Variants in DPEP2 observed in about 807,000 individuals in gnomAD.
DPEP2 encodes dipeptidase 2.
DPEP2 carries 45 observed loss-of-function variants against 51.8 expected under a neutral mutation model. That is an observed-to-expected ratio of 0.87 (90% CI 0.68 to 1.11). The LOEUF (loss-of-function observed/expected upper bound fraction) is 1.11. Among genes scored for constraint, DPEP2 ranks in the 50% most tolerant of loss-of-function variants. The probability of loss-of-function intolerance (pLI) is 0.00; values close to 1 mark genes in which losing one functional copy is unlikely to be tolerated. For synonymous variants in DPEP2, 255 were observed against 262.7 expected, an observed-to-expected ratio of 0.97 and a Z score of 0.28; for missense variants, 604 against 631.9, an observed-to-expected ratio of 0.96 and a Z score of 0.47.
Position 67,991,890 on chromosome 16 carries a change from A to T in DPEP2, c.610T>A (p.Tyr204Asn). The change falls in exon 5 of 11, where the codon TAC becomes AAC. Residue 204 changes from tyrosine (Y) to asparagine (N), a missense_variant. Tyr to Asn is a moderately radical substitution (Grantham distance 143). Coordinates refer to ENST00000393847, the MANE Select transcript of DPEP2 (RefSeq NM_022355.4). The surrounding 1 kb of genome is among the most constrained non-coding windows in gnomAD (Gnocchi z 5.1). ...GTCAGGTAGCGCACTCCCAGCATGT[A>T]GAAGGTACGTAAGATGGAGAGGCTA... Reference protein sequence around the residue: ...DNSLSILRTFYMLGVRYLTLT... With the variant: ...DNSLSILRTFNMLGVRYLTLT... 1 of 1,614,174 alleles carries T rather than the reference A, an allele frequency of 6.2e-7. No homozygotes were observed. The highest frequency in any genetic ancestry group is 8.5e-7 in the Non-Finnish European group (1 of 1,180,042).
rs777696064 is a variant in DPEP2, at chr16:67,991,164, C to G, written c.683G>C (p.Gly228Ala). 6.2e-7 allele frequency: 1 copy of G among 1,613,396 alleles called. No individual in the cohort carries two copies. The highest frequency in any genetic ancestry group is 2.2e-5 in the East Asian group (1 of 44,892). Residue 228 changes from glycine (G) to alanine (A), a missense_variant, in exon 6 of 11, where the codon GGC becomes GCC. Coordinates refer to ENST00000393847, the MANE Select transcript of DPEP2 (RefSeq NM_022355.4). This position sits in a 1 kb window ranked among gnomAD's most constrained non-coding sequence, Gnocchi z 5.1. ...GATGTTGTTGTAGAAGGAGTGGACG[C>G]CCTTAGCGGAGCTCTCTGCCCTGCA... ...NTPWAESSAK[G>A]VHSFYNNISG...
At chr16:67,992,434 G>C (rs2032284721) in intron 3 of DPEP2, 76 bp downstream of exon 3, 1 of 1,542,674 alleles carries the variant, frequency 6.5e-7, no homozygotes, top group Admixed American at 2.0e-5. Flanking sequence ...TGACTAACTT[G>C]TGATCTCTGG....
Position 67,993,087 on chromosome 16 carries a change from G to A in DPEP2, c.126C>T (p.Ala42=). 4 of 1,570,370 alleles carry A rather than the reference G, an allele frequency of 2.5e-6. No individual in the cohort carries two copies. The African/African-American group carries it at 4.1e-5, about 16-fold the overall frequency. ...CAYTTPGPPR[A]LTTLGAPRAH... ...CTCTGGGGGCGCCCAGCGTGGTGAG[G>A]GCTCTGGGGGGGCCTGGCGTGGTGT... Residue 42 remains alanine (A), a synonymous_variant, in exon 2 of 11, where the codon GCC becomes GCT. Transcript: ENST00000393847.
rs1038836885 is a variant in DPEP2, at chr16:67,990,859, T to G, written c.871A>C (p.Ser291Arg). 8 of 1,614,194 alleles carry G rather than the reference T, an allele frequency of 5.0e-6. No homozygotes were observed. The highest frequency in any genetic ancestry group is 6.8e-6 in the Non-Finnish European group (8 of 1,180,032). ...SHSAARGVCN[S>R]ARNVPDDILQ... ...ATGTCATCAGGAACATTCCGAGCAC[T>G]GTTGCACACACCCCGGGCAGCCGAG... Residue 291 changes from serine (S) to arginine (R), a missense_variant, in exon 7 of 11, where the codon AGT (serine) becomes CGT (arginine). Ser to Arg is a moderately radical substitution (Grantham distance 110, BLOSUM62 -1). Coordinates refer to ENST00000393847, the MANE Select transcript of DPEP2 (RefSeq NM_022355.4).
rs780931902 is a variant in DPEP2, at chr16:67,993,058, TGGGCTCTGGGGGCGCCCAGCGTGGTGA to T, written c.128_154del (p.Leu43_Ala51del). On this transcript the variant is annotated inframe_deletion, in exon 2 of 11. Coordinates refer to ENST00000393847, the MANE Select transcript of DPEP2 (RefSeq NM_022355.4). ...GGGAGCGTAGGTGCCCGGCATGGTG[TGGGCTCTGGGGGCGCCCAGCGTGGTGA>T]GGGCTCTGGGGGGGCCTGGCGTGGT... 3.8e-6 allele frequency: 6 copies of T among 1,578,500 alleles called. No individual in the cohort carries two copies. The highest frequency in any genetic ancestry group is 5.2e-6 in the Non-Finnish European group (6 of 1,161,304).
upstream of DPEP2, chr16:67,999,664 G>A (rs754477504): frequency 1.4e-4 from 27 of 187,726 alleles, no homozygotes; most frequent in Non-Finnish European, 2.4e-4. Context: ...GCTCATGCCT[G>A]TAATCCCAGT....
chr16:67,995,683 G>A (rs2032647303), intron 1 of DPEP2, among the ~76,000 whole-genome samples: 1 of 152,182 alleles, frequency 6.6e-6, no homozygotes, highest in Non-Finnish European at 1.5e-5. Context: ...ATCACTATGG[G>A]TGGGGCGCAG....
chr16:68,000,519 C>T (rs1227640027), upstream of DPEP2: 2 of 983,518 alleles, frequency 2.0e-6, no homozygotes, highest in Non-Finnish European at 2.4e-6. Flanking sequence ...CTCATGCTTC[C>T]CTTTGATGTC....
chr16:67,987,895 A>G lies in DPEP2; in HGVS notation c.1163T>C (p.Val388Ala). 6.2e-7 allele frequency: 1 copy of G among 1,614,128 alleles called. No individual in the cohort carries two copies. The highest frequency in any genetic ancestry group is 8.5e-7 in the Non-Finnish European group (1 of 1,180,036). Residue 388 changes from valine (V) to alanine (A), a missense_variant, in exon 10 of 11, where the codon GTC becomes GCC. By Grantham distance (64) the Val-to-Ala change is moderately conservative. Transcript: ENST00000393847. ...GACCCGCAGCAGGTTTCCACGAAGG[A>G]CACCCTGAAGCTCTTCCTCACTCCA... ...RGWSEEELQG[V>A]LRGNLLRVFR...
chr16:67,997,396 G>T (rs1436136286), intron 1 of DPEP2, among the ~76,000 whole-genome samples: 2 of 151,214 alleles, frequency 1.3e-5, no homozygotes, highest in Admixed American at 1.3e-4. Context: ...TCGCTCTGTC[G>T]CCCAGGCTGG....
Position 67,993,256 on chromosome 16 carries a change from G to A in DPEP2, c.-44C>T, listed in dbSNP as rs1256071723. On this transcript the variant is annotated splice_region_variant and 5_prime_UTR_variant, in exon 2 of 11. Coordinates refer to ENST00000393847, the MANE Select transcript of DPEP2 (RefSeq NM_022355.4). The stretch of plus-strand genomic sequence containing the variant: ...GGCAGGCAGGGGTGGCAGTCAGAGA[G>A]CCTGAGAGGGGCGGGCGAGGGGCAG... 3.6e-6 allele frequency: 5 copies of A among 1,404,232 alleles called. No individual in the cohort carries two copies. Among genetic ancestry groups the A allele is most frequent in the Non-Finnish European group, 3.7e-6 (4 of 1,077,180 alleles). 87.0% of individuals were successfully genotyped at this position (1,404,232 alleles called of 1,614,324 possible).
chr16:67,988,104 G>A lies in DPEP2; in HGVS notation c.1071-117C>T, dbSNP rs936776052. The stretch of plus-strand genomic sequence containing the variant: ...CAGGTATGGGAAGTGGAGACTTGGA[G>A]AGAGTAGGTAATTCTCCTCTGCTCT... On this transcript the variant is annotated intron_variant, in intron 9 of 10. Coordinates refer to ENST00000393847, the MANE Select transcript of DPEP2 (RefSeq NM_022355.4). 113 of 1,340,084 alleles carry A rather than the reference G, an allele frequency of 8.4e-5. No homozygotes were observed. In the African/African-American group the frequency reaches 1.5e-3, roughly 18 times the overall value. 83.0% of individuals were successfully genotyped at this position (1,340,084 alleles called of 1,614,324 possible).
In DPEP2 at chr16:67,992,812, G is replaced by C. The variant is rs533448755; in HGVS notation, c.263+138C>G. On this transcript the variant is annotated intron_variant, in intron 2 of 10. Coordinates refer to ENST00000393847, the MANE Select transcript of DPEP2 (RefSeq NM_022355.4). ...CCAAGAGGGGATGACAGAGGGGAAA[G>C]GGTACCCATGCATGACGGGAGAGAG... is the stretch of plus-strand genomic sequence containing the variant. 1.8e-5 allele frequency: 27 copies of C among 1,477,144 alleles called. No individual in the cohort carries two copies. The East Asian group carries it at 4.8e-4, about 26-fold the overall frequency. 91.5% of individuals were successfully genotyped at this position (1,477,144 alleles called of 1,614,324 possible). A position where few individuals can be genotyped will look rare whatever the true frequency, so the allele number is the denominator to read the frequency against.
chr16:67,989,360 A>T lies in DPEP2; in HGVS notation c.1033T>A (p.Phe345Ile). The change falls in exon 9 of 11, where the codon TTC becomes ATC. Residue 345 changes from phenylalanine to isoleucine, a missense_variant. Physicochemically the swap from Phe to Ile is conservative, Grantham distance 21 (BLOSUM62 0). Coordinates refer to ENST00000393847, the MANE Select transcript of DPEP2 (RefSeq NM_022355.4). ...TCATAATCTCCACCAATCCCGATGAACTTGGATCCAATGACAGCCTTGATG... is the reference window on the plus strand; with the variant it reads ...TCATAATCTCCACCAATCCCGATGATCTTGGATCCAATGACAGCCTTGATG... Reference protein sequence around the residue: ...DHIKAVIGSKFIGIGGDYDGA... With the variant: ...DHIKAVIGSKIIGIGGDYDGA... The T allele has an allele frequency of 6.2e-7, 1 of 1,614,110 alleles. No homozygotes were observed. Among genetic ancestry groups the T allele is most frequent in the Non-Finnish European group, 8.5e-7 (1 of 1,179,988 alleles).
rs1055153934 is a variant in DPEP2, at chr16:67,990,120, A to C, written c.921T>G (p.Gly307=). 1.2e-6 allele frequency: 2 copies of C among 1,614,078 alleles called. No homozygotes were observed. Among genetic ancestry groups the C allele is most frequent in the East Asian group, 4.5e-5 (2 of 44,878 alleles). The change falls in exon 8 of 11, where the codon GGT becomes GGG. Residue 307 remains glycine (G), a synonymous_variant. Transcript: ENST00000393847. ...DDILQLLKKN[G]GVVMVSLSMG... Reference sequence around the variant, plus strand: ...TGGACAAAGACACCATCACGACGCCACCGTTCTTCTTCTGCAGGGGCGGGC... The same window carrying C: ...TGGACAAAGACACCATCACGACGCCCCCGTTCTTCTTCTGCAGGGGCGGGC...
intron 1 of DPEP2, chr16:67,995,038 C>T (rs2032606186): frequency 1.0e-5 from 3 of 297,628 alleles, no homozygotes; most frequent in Non-Finnish European, 1.5e-5. Context: ...GTAGCTGGGA[C>T]TACAGGCATG....
Position 67,989,402 on chromosome 16 carries a change from G to T in DPEP2, c.995-4C>A. ...GCCTTGATGTGGTCGAAGTGATCTG[G>T]GGAGGGGGAAGGTGGACAGTCAGCT... On this transcript the variant is annotated splice_polypyrimidine_tract_variant and splice_region_variant and intron_variant, in intron 8 of 10. Transcript: ENST00000393847. The T allele has an allele frequency of 6.2e-7, 1 of 1,614,180 alleles. No individual in the cohort carries two copies. Among genetic ancestry groups the T allele is most frequent in the East Asian group, 2.2e-5 (1 of 44,882 alleles).
intron 3 of DPEP2, 81 bp downstream of exon 3, chr16:67,992,429 A>G: frequency 6.5e-7 from 1 of 1,537,146 alleles, no homozygotes; most frequent in Non-Finnish European, 8.8e-7. Flanking sequence ...TCATGTGACT[A>G]ACTTGTGATC....
At chr16:67,989,078 G>C (rs539157604) in intron 9 of DPEP2, among the ~76,000 whole-genome samples, 5 of 152,358 alleles carry the variant, frequency 3.3e-5, no homozygotes, top group Middle Eastern at 3.4e-3. Context: ...CTGATGGTCT[G>C]CTCAGGGAGA....
Sources: gnomAD v4.1 joint callset for allele counts (sites outside exome capture counted in the v4.1 genomes callset) on GRCh38, gnomAD v4.1.1 for gene constraint, Gnocchi (gnomAD v3.1) non-coding constraint, MANE v1.5 for transcripts, NCBI Gene and HGNC (gene_info 2026-07-23, HGNC 2026-07-21) for gene names.